The following TTN variants were observed in gnomAD, a reference collection of about 807,000 sequenced individuals.
The protein encoded by TTN is titin, also known as connectin.
TTN carries 1,525 observed loss-of-function variants against 3,223.0 expected under a neutral mutation model. The ratio of observed to expected loss-of-function variants is 0.47; its 90% CI spans 0.45 to 0.49. The LOEUF is 0.49. Among genes scored for constraint, TTN ranks in the 20% least tolerant of loss-of-function variants. TTN has a pLI of 0.00. For missense variants in TTN, 40,786 were observed against 43,424.0 expected, an observed-to-expected ratio of 0.94 and a Z score of 5.40; for synonymous variants, 14,094 against 15,161.0, an observed-to-expected ratio of 0.93 and a Z score of 5.17.
At position 178,664,458 on chromosome 2, in the gene TTN, AC is replaced by A. The variant is rs2065509224; in HGVS notation, c.36280+1del. 1 of 1,608,226 alleles carries A rather than the reference AC, an allele frequency of 6.2e-7. No individual in the cohort carries two copies. Among genetic ancestry groups the A allele is most frequent in the Non-Finnish European group, 8.5e-7 (1 of 1,177,138 alleles). On this transcript the variant is annotated splice_donor_variant, in intron 168 of 362. Transcript: ENST00000589042. LOFTEE classifies it high-confidence loss of function. ...ACCATAAAAAGACAGTTAAGAATGT[AC>A]CTTTGACAGGTACAACTTCAGCCCT...
At position 178,566,072 on chromosome 2, in the gene TTN, G is replaced by T; in HGVS notation, c.80060C>A (p.Pro26687Gln). 1.2e-6 allele frequency: 2 copies of T among 1,613,596 alleles called. No individual in the cohort carries two copies. Among genetic ancestry groups the T allele is most frequent in the Non-Finnish European group, 8.5e-7 (1 of 1,179,660 alleles). Residue 26687 changes from proline to glutamine, a missense_variant, in exon 326 of 363, where the codon CCA (proline) becomes CAA (glutamine). Physicochemically the swap from Pro to Gln is moderately conservative, Grantham distance 76 (BLOSUM62 -1). Coordinates refer to ENST00000589042, the MANE Select transcript of TTN (RefSeq NM_001267550.2). Reference protein sequence around the residue: ...TVKVLDTPGPPQNLAVKEVRK... With the variant: ...TVKVLDTPGPQQNLAVKEVRK... Reference sequence around the variant, plus strand: ...CACTTCTTTGACTGCCAAATTCTGTGGTGGTCCTGGAGTGTCAAGAACTTT... The same window carrying T: ...CACTTCTTTGACTGCCAAATTCTGTTGTGGTCCTGGAGTGTCAAGAACTTT...
At chr2:178,616,421 T>G (rs2057355562) in intron 257 of TTN, 58 bp downstream of exon 257, 1 of 1,595,614 alleles carries the variant, frequency 6.3e-7, no homozygotes, top group South Asian at 1.1e-5. Flanking sequence ...CATCCCAACC[T>G]TCTGGGATTT....
chr2:178,528,146 C>A, intron 361 of TTN, 128 bp downstream of exon 361: 1 of 1,042,896 alleles, frequency 9.6e-7, no homozygotes, highest in Non-Finnish European at 1.4e-6. Flanking sequence ...GAATTCACAT[C>A]AGTTGGCTGT....
Position 178,722,792 on chromosome 2 carries a change from G to A in TTN, c.22107C>T (p.Tyr7369=), listed in dbSNP as rs2078634421. 6.2e-7 allele frequency: 1 copy of A among 1,613,332 alleles called. No homozygotes were observed. The highest frequency in any genetic ancestry group is 1.1e-5 in the South Asian group (1 of 91,054). ...GDTKLRPTPE[Y]RTYFTNNVAT... Reference sequence around the variant, plus strand: ...CCACATTGTTTGTAAAGTAGGTCCTGTATTCAGGAGTTGGCCGTAATTTGG... The same window carrying A: ...CCACATTGTTTGTAAAGTAGGTCCTATATTCAGGAGTTGGCCGTAATTTGG... Residue 7369 remains tyrosine (Y), a synonymous_variant, in exon 76 of 363, where the codon TAC becomes TAT. Transcript: ENST00000589042.
At chr2:178,648,982 T>C (rs1284804365) in intron 213 of TTN, among the ~76,000 whole-genome samples, 1 of 152,170 alleles carries the variant, frequency 6.6e-6, no homozygotes, top group East Asian at 1.9e-4. Context: ...CAACAAAATA[T>C]GTTGAATTGA....
At chr2:178,767,309 T>A (rs145721558) in intron 40 of TTN, among the ~76,000 whole-genome samples, 220 of 152,344 alleles carry the variant, frequency 1.4e-3, no homozygotes, top group African/African-American at 5.2e-3. Context: ...CCAGCACGGC[T>A]TGGACAGGGC....
rs397517546 is a variant in TTN, at chr2:178,782,875, C to T, written c.3031G>A (p.Gly1011Arg). 15 of 1,613,906 alleles carry T rather than the reference C, an allele frequency of 9.3e-6. No individual in the cohort carries two copies. The highest frequency in any genetic ancestry group is 5.0e-5 in the Admixed American group (3 of 59,994). Residue 1011 changes from glycine (G) to arginine (R), a missense_variant, in exon 18 of 363, where the codon GGG (glycine) becomes AGG (arginine). By Grantham distance (125) the Gly-to-Arg change is moderately radical. Coordinates refer to ENST00000589042, the MANE Select transcript of TTN (RefSeq NM_001267550.2). ...TTTACAGCACTGCAAGTAAATCGCC[C>T]GCTGTCTTCCGCAAATGCTTCGCGA... ...MIREAFAEDSGRFTCSAVNEA... is the reference protein window; with the variant it reads ...MIREAFAEDSRRFTCSAVNEA...
intron 47 of TTN, chr2:178,749,981 G>A: frequency 1.2e-6 from 2 of 1,613,230 alleles, no homozygotes; most frequent in Non-Finnish European, 1.7e-6. Flanking sequence ...TGGTGATTGA[G>A]TAACTTGATC....
At chr2:178,804,505 G>A in intron 2 of TTN, 47 bp downstream of exon 2, 1 of 1,519,836 alleles carries the variant, frequency 6.6e-7, no homozygotes, top group Non-Finnish European at 8.8e-7. Context: ...ACTTACTGGA[G>A]AGGAGGCAAA....
chr2:178,713,056 C>G, intron 93 of TTN, 29 bp downstream of exon 93: 1 of 1,607,090 alleles, frequency 6.2e-7, no homozygotes, highest in Non-Finnish European at 8.5e-7. Flanking sequence ...CTATGAAATG[C>G]AATTCATTTT....
intron 44 of TTN, 99 bp downstream of exon 44, chr2:178,758,885 G>A: frequency 8.1e-7 from 1 of 1,237,626 alleles, no homozygotes; most frequent in South Asian, 1.2e-5. Flanking sequence ...AGAATGGTAG[G>A]AACAACAATG....
chr2:178,538,893 G>T, intron 353 of TTN, 53 bp downstream of exon 353: 1 of 1,578,054 alleles, frequency 6.3e-7, no homozygotes, highest in East Asian at 2.2e-5. Context: ...TGAAATAAAA[G>T]GACCAAACAT....
Position 178,731,380 on chromosome 2 carries a change from G to A in TTN, c.17386C>T (p.His5796Tyr). The part of the protein sequence containing the change: ...SLYLSGIEVK[H>Y]DGKYVCQAKN... ...GCCTGACAGACATATTTCCCATCATGCTTGACTTCAATGCCACTGAGGTAC... is the reference window on the plus strand; with the variant it reads ...GCCTGACAGACATATTTCCCATCATACTTGACTTCAATGCCACTGAGGTAC... The change falls in exon 59 of 363, where the codon CAT (histidine) becomes TAT (tyrosine). Residue 5796 changes from histidine (H) to tyrosine (Y), a missense_variant. By Grantham distance (83) the His-to-Tyr change is moderately conservative. Transcript: ENST00000589042. 6.2e-7 allele frequency: 1 copy of A among 1,613,714 alleles called. No homozygotes were observed. The highest frequency in any genetic ancestry group is 8.5e-7 in the Non-Finnish European group (1 of 1,179,764).
chr2:178,554,775 C>T lies in TTN; in HGVS notation c.88595-23G>A, dbSNP rs1294566902. On this transcript the variant is annotated intron_variant, in intron 331 of 362. Coordinates refer to ENST00000589042, the MANE Select transcript of TTN (RefSeq NM_001267550.2). ...TGTCTATCAGTGAAAGGACAAAACA[C>T]GATGTTAGTACTTCTTTAAAGCCTA... 14 of 1,612,280 alleles carry T rather than the reference C, an allele frequency of 8.7e-6. No homozygotes were observed. In the East Asian group the frequency reaches 1.1e-4, roughly 13 times the overall value.
chr2:178,588,782 A>G lies in TTN; in HGVS notation c.62943T>C (p.Thr20981=), dbSNP rs184863287. ...CATATTCAGGTGGATTCCAAACCAC[A>G]GTCATCTCTTCTTTGCTTACTTTAG... ...EVTKVSKEEM[T]VVWNPPEYDG... The change falls in exon 304 of 363, where the codon ACT becomes ACC. Residue 20981 remains threonine, a synonymous_variant. Coordinates refer to ENST00000589042, the MANE Select transcript of TTN (RefSeq NM_001267550.2). 683 of 1,613,382 alleles carry G rather than the reference A, an allele frequency of 4.2e-4. 1 individual carries two copies. Among genetic ancestry groups the G allele is most frequent in the Non-Finnish European group, 5.3e-4 (620 of 1,179,610 alleles).
At position 178,701,132 on chromosome 2, in the gene TTN, T is replaced by G. The variant is rs1357150570; in HGVS notation, c.30670A>C (p.Lys10224Gln). 6.2e-7 allele frequency: 1 copy of G among 1,613,730 alleles called. No homozygotes were observed. Among genetic ancestry groups the G allele is most frequent in the East Asian group, 2.2e-5 (1 of 44,854 alleles). Residue 10224 changes from lysine to glutamine, a missense_variant, in exon 111 of 363, where the codon AAA becomes CAA. Physicochemically the swap from Lys to Gln is moderately conservative, Grantham distance 53. Transcript: ENST00000589042. ...TGAGGTATAATACCTTCAATACGTT[T>G]TGGTGGTGGTTTCTTTTCTTCGGGT... ...PTPEEKKPPP[K>Q]RIEVTKKAVK...
At position 178,539,210 on chromosome 2, in the gene TTN, C is replaced by T. The variant is rs1161873728; in HGVS notation, c.98725G>A (p.Val32909Ile). The T allele has an allele frequency of 1.2e-6, 2 of 1,613,780 alleles. No homozygotes were observed. The highest frequency in any genetic ancestry group is 2.2e-5 in the East Asian group (1 of 44,868). ...PPSNPPEVLD[V>I]TKSSVSLSWS... ...GACAAGCTAACAGAACTCTTGGTTA[C>T]ATCGAGTACTTCTGGAGGATTGCTT... is the stretch of plus-strand genomic sequence containing the variant. The change falls in exon 353 of 363, where the codon GTA (valine) becomes ATA (isoleucine). Residue 32909 changes from valine (V) to isoleucine (I), a missense_variant. By Grantham distance (29) the Val-to-Ile change is conservative. Transcript: ENST00000589042.
At position 178,732,083 on chromosome 2, in the gene TTN, C is replaced by T. The variant is rs758096327; in HGVS notation, c.16886G>A (p.Ser5629Asn). The change falls in exon 57 of 363, where the codon AGC (serine) becomes AAC (asparagine). Residue 5629 changes from serine to asparagine, a missense_variant. Coordinates refer to ENST00000589042, the MANE Select transcript of TTN (RefSeq NM_001267550.2). ...QNEAGSDHCS[S>N]IVIVKESPYF... is the part of the protein sequence containing the mutation. The stretch of plus-strand genomic sequence containing the variant: ...ACACAAACCTTTGACTATTACAATG[C>T]TACTGCAGTGGTCACTGCCAGCCTC... 2.5e-6 allele frequency: 4 copies of T among 1,609,824 alleles called. No homozygotes were observed. The Admixed American group carries it at 5.0e-5, about 20-fold the overall frequency.
At chr2:178,749,476 A>G in intron 47 of TTN, 1 of 1,612,942 alleles carries the variant, frequency 6.2e-7, no homozygotes, top group Non-Finnish European at 8.5e-7. Context: ...GGCTTTGAAA[A>G]TAGTCCCTTA....
Sources: allele counts gnomAD v4.1 joint callset (sites outside exome capture counted in the v4.1 genomes callset), GRCh38; gene constraint gnomAD v4.1.1; transcripts MANE v1.5; gene names NCBI Gene and HGNC (gene_info 2026-07-23, HGNC 2026-07-21).